CLCN3: variants seen among roughly 807,000 people sequenced by gnomAD.
CLCN3 encodes Cl-/H+ antiporter 3.
In CLCN3, 16 loss-of-function variants were observed where a neutral mutation model predicts 83.4. The observed-to-expected ratio is 0.19, with a 90% CI of 0.13 to 0.29. The LOEUF (loss-of-function observed/expected upper bound fraction) is 0.29, where lower values mean the gene tolerates loss of function less well. Ranked by LOEUF, CLCN3 falls within the 10% of genes least tolerant of loss-of-function variation. CLCN3 has a pLI of 1.00. For synonymous variants in CLCN3, 322 were observed against 346.2 expected (o/e 0.93, Z 0.78); for missense variants, 544 against 1,006.0 (o/e 0.54, Z 6.21).
chr4:169,638,488 AT>A (rs5864001), intron 2 of CLCN3, among the ~76,000 whole-genome samples: 4 of 151,894 alleles, frequency 2.6e-5, no homozygotes, highest in South Asian at 4.1e-4. Context: ...TTTATCACAG[AT>A]TTTTTTTCTA....
At chr4:169,697,107 A>T (rs1732593355) in intron 8 of CLCN3, 82 bp from the exon 9 acceptor site, 1 of 1,000,812 alleles carries the variant, frequency 1.0e-6, no homozygotes, top group African/African-American at 1.6e-5. Flanking sequence ...GAGCTAGGAT[A>T]TTTACCATTC....
At chr4:169,692,363 A>G (rs1421140584) in intron 7 of CLCN3, 43 bp downstream of exon 7, 3 of 869,340 alleles carry the variant, frequency 3.5e-6, no homozygotes, top group African/African-American at 1.8e-5. Flanking sequence ...AATATATATT[A>G]TATAGTATTT....
At chr4:169,717,081 A>G (rs1462963019) in intron 12 of CLCN3, among the ~76,000 whole-genome samples, 2 of 152,166 alleles carry the variant, frequency 1.3e-5, no homozygotes, top group African/African-American at 4.8e-5. Flanking sequence ...ATTTATGTCC[A>G]TCACTTTGCT....
chr4:169,684,077 A>C (rs910176537), intron 3 of CLCN3, among the ~76,000 whole-genome samples: 9 of 152,240 alleles, frequency 5.9e-5, no homozygotes, highest in African/African-American at 1.9e-4. Flanking sequence ...ATGTCAGTGC[A>C]TATACCCAAC....
intron 9 of CLCN3, among the ~76,000 whole-genome samples, chr4:169,701,585 C>T (rs561048115): frequency 1.4e-4 from 21 of 152,164 alleles, no homozygotes; most frequent in Non-Finnish European, 2.4e-4. Flanking sequence ...TTGTCAGGGG[C>T]GAACCATACA....
In CLCN3 at chr4:169,682,833, G is replaced by A. The variant is rs1267588760; in HGVS notation, c.318+2626G>A. On this transcript the variant is annotated intron_variant, in intron 3 of 12. Coordinates refer to ENST00000513761, the MANE Select transcript of CLCN3 (RefSeq NM_001829.4). ...GCCACTGCTTGATTTTTGCTATGGA[G>A]TCAGCAATTTTGCCACTGGTTTTGC... Among the ~76,000 whole-genome samples, 5 of 152,252 alleles carry A rather than the reference G, an allele frequency of 3.3e-5. No individual in the cohort carries two copies. The East Asian group carries it at 7.7e-4, about 24-fold the overall frequency.
At chr4:169,669,987 C>T (rs1731397578) in intron 2 of CLCN3, among the ~76,000 whole-genome samples, 1 of 151,912 alleles carries the variant, frequency 6.6e-6, no homozygotes, top group Admixed American at 6.6e-5. Flanking sequence ...TTTTCTTGTA[C>T]ATTTGTTTAA....
intron 5 of CLCN3, 94 bp downstream of exon 5, chr4:169,689,324 T>TG: frequency 1.9e-6 from 2 of 1,030,140 alleles, no homozygotes; most frequent in Non-Finnish European, 2.8e-6. Context: ...TATTAGATGA[T>TG]TACATACACA....
At chr4:169,695,309 T>TA in intron 7 of CLCN3, among the ~76,000 whole-genome samples, 1 of 152,176 alleles carries the variant, frequency 6.6e-6, no homozygotes, top group Non-Finnish European at 1.5e-5. Flanking sequence ...TACACAAACA[T>TA]ACGTCTTGAA....
intron 1 of CLCN3, among the ~76,000 whole-genome samples, chr4:169,630,691 C>T (rs1487790431): frequency 1.3e-5 from 2 of 151,964 alleles, no homozygotes; most frequent in Admixed American, 6.6e-5. Context: ...CCATCACTCC[C>T]GGCTAATTTT....
At chr4:169,696,645 T>C (rs192730664) in intron 8 of CLCN3, among the ~76,000 whole-genome samples, 1 of 152,240 alleles carries the variant, frequency 6.6e-6, no homozygotes, top group Non-Finnish European at 1.5e-5. Flanking sequence ...CCAGAACTTA[T>C]TCCTCCTCTG....
At chr4:169,702,879 C>T (rs776962138) in intron 9 of CLCN3, 7 of 230,516 alleles carry the variant, frequency 3.0e-5, no homozygotes, top group South Asian at 5.3e-5. Flanking sequence ...AGCCAAGAGA[C>T]GTGACTTCTG....
intron 3 of CLCN3, among the ~76,000 whole-genome samples, chr4:169,683,357 T>G (rs1007334781): frequency 6.6e-6 from 1 of 152,134 alleles, no homozygotes; most frequent in Middle Eastern, 3.2e-3. Flanking sequence ...TAGCTGGGTA[T>G]AGTGTCTTGC....
At chr4:169,697,827 A>G in intron 9 of CLCN3, 93 bp downstream of exon 9, 1 of 798,728 alleles carries the variant, frequency 1.3e-6, no homozygotes, top group Non-Finnish European at 2.0e-6. Context: ...TAAATGACTG[A>G]AAAAAGTACT....
chr4:169,678,420 T>A (rs71622352), intron 2 of CLCN3, among the ~76,000 whole-genome samples: 3,194 of 152,290 alleles, frequency 0.021, 48 homozygotes, highest in South Asian at 0.032. Flanking sequence ...TTCTTTTTTT[T>A]AAATTTTTTT....
chr4:169,638,687 G>A (rs577500192), intron 2 of CLCN3, among the ~76,000 whole-genome samples: 5 of 152,238 alleles, frequency 3.3e-5, no homozygotes, highest in South Asian at 2.1e-4. Context: ...CCACGTTGCC[G>A]TCAAGTGCTG....
chr4:169,659,617 A>T (rs969997186), intron 2 of CLCN3, among the ~76,000 whole-genome samples: 1 of 152,186 alleles, frequency 6.6e-6, no homozygotes, highest in Non-Finnish European at 1.5e-5. Flanking sequence ...AAGAAAGGAA[A>T]CAAGAAGCCG....
chr4:169,660,715 A>C (rs1731027095), intron 2 of CLCN3, among the ~76,000 whole-genome samples: 2 of 152,202 alleles, frequency 1.3e-5, no homozygotes, highest in South Asian at 4.1e-4. Flanking sequence ...TCTAACTCTG[A>C]AAATGAATTA....
chr4:169,637,096 A>G (rs181127622), intron 2 of CLCN3, among the ~76,000 whole-genome samples: 6 of 152,130 alleles, frequency 3.9e-5, no homozygotes, highest in African/African-American at 1.4e-4. Context: ...TTTTGGTTTC[A>G]ATTTATGTTT....
Sources: allele counts gnomAD v4.1 joint callset (sites outside exome capture counted in the v4.1 genomes callset), GRCh38; gene constraint gnomAD v4.1.1; transcripts MANE v1.5; gene names NCBI Gene and HGNC (gene_info 2026-07-23, HGNC 2026-07-21).